Variants in LAMA1 observed in about 807,000 individuals in gnomAD.
LAMA1 encodes the protein laminin subunit alpha 1.
LAMA1 carries 219 observed loss-of-function variants against 348.7 expected under a neutral mutation model. That is an observed-to-expected ratio of 0.63 (90% CI 0.56 to 0.70). The LOEUF (loss-of-function observed/expected upper bound fraction) is 0.70, where lower values mean the gene tolerates loss of function less well. Among genes scored for constraint, LAMA1 ranks in the 30% least tolerant of loss-of-function variants. The pLI is 0.00. For missense variants in LAMA1, 3,744 were observed against 3,888.0 expected, an observed-to-expected ratio of 0.96 and a Z score of 0.99; for synonymous variants, 1,487 against 1,491.0, an observed-to-expected ratio of 1.00 and a Z score of 0.06.
chr18:7,068,860 G>A (rs1415262038), intron 3 of LAMA1, among the ~76,000 whole-genome samples: 2 of 151,396 alleles, frequency 1.3e-5, no homozygotes, highest in African/African-American at 4.8e-5. Flanking sequence ...TATCTCTTGA[G>A]AAATTAAAAC....
At chr18:6,946,834 C>T (rs1359184842) in intron 61 of LAMA1, among the ~76,000 whole-genome samples, 1 of 152,140 alleles carries the variant, frequency 6.6e-6, no homozygotes, top group East Asian at 1.9e-4. Flanking sequence ...TAATAATTTC[C>T]AAATAAAAAG....
In LAMA1 at chr18:7,016,549, C is replaced by G; in HGVS notation, c.2931G>C (p.Gly977=). The G allele has an allele frequency of 1.2e-6, 2 of 1,614,218 alleles. No homozygotes were observed. The highest frequency in any genetic ancestry group is 2.7e-5 in the African/African-American group (2 of 75,066). The change falls in exon 21 of 63, where the codon GGG becomes GGC. Residue 977 remains glycine (G), a synonymous_variant. Transcript: ENST00000389658. ...CATGGGCACACCTGTCACACCTTTT[C>G]CCTGCCACACCTGGGACACAGTGAC... The part of the protein sequence containing the change: ...GQCHCVPGVA[G]KRCDRCAHGF...
intron 10 of LAMA1, among the ~76,000 whole-genome samples, chr18:7,039,631 G>A (rs1598293218): frequency 6.6e-6 from 1 of 152,170 alleles, no homozygotes; most frequent in African/African-American, 2.4e-5. Flanking sequence ...TTTATTGGTT[G>A]AACATAGTCA....
At chr18:7,105,361 C>G (rs1263116157) in intron 1 of LAMA1, among the ~76,000 whole-genome samples, 1 of 152,174 alleles carries the variant, frequency 6.6e-6, no homozygotes, top group Admixed American at 6.5e-5. Flanking sequence ...ATTGCTTGAA[C>G]CCGGGAGGCG....
At chr18:7,069,020 TC>T (rs1389563312) in intron 3 of LAMA1, among the ~76,000 whole-genome samples, 29 of 152,314 alleles carry the variant, frequency 1.9e-4, no homozygotes, top group African/African-American at 7.0e-4. Context: ...TGCAAAACTG[TC>T]TTCACGGATT....
intron 4 of LAMA1, 28 bp downstream of exon 4, chr18:7,050,666 A>T: frequency 6.2e-7 from 1 of 1,612,894 alleles, no homozygotes. Flanking sequence ...GAGGAAACAG[A>T]TCTTGCTGCA....
At chr18:7,080,788 G>C (rs956645438) in intron 1 of LAMA1, among the ~76,000 whole-genome samples, 1 of 152,094 alleles carries the variant, frequency 6.6e-6, no homozygotes, top group African/African-American at 2.4e-5. Flanking sequence ...ATCATAGAAT[G>C]AGTACACCTA....
At chr18:7,004,189 T>C (rs1373028680) in intron 29 of LAMA1, among the ~76,000 whole-genome samples, 1 of 152,108 alleles carries the variant, frequency 6.6e-6, no homozygotes, top group African/African-American at 2.4e-5. Context: ...TTAGTTGCTA[T>C]GGGAAATTCA....
At position 7,031,987 on chromosome 18, in the gene LAMA1, T is replaced by TA. The variant is rs113133818; in HGVS notation, c.2274+78dup. 0.37 allele frequency: 404,550 copies of TA among 1,096,554 alleles called. 70,944 individuals carry two copies. The highest frequency in any genetic ancestry group is 0.63 in the African/African-American group (39,535 of 62,404). 67.9% of individuals were successfully genotyped at this position (1,096,554 alleles called of 1,614,324 possible). A position where few individuals can be genotyped will look rare whatever the true frequency, so the allele number is the denominator to read the frequency against. On this transcript the variant is annotated intron_variant, in intron 16 of 62. Coordinates refer to ENST00000389658, the MANE Select transcript of LAMA1 (RefSeq NM_005559.4). ...AGGGTTATTCCGTGGAGGAAGCACTTAAAAAAAAATCACTTGTACACAGCA... is the reference window on the plus strand; with the variant it reads ...AGGGTTATTCCGTGGAGGAAGCACTTAAAAAAAAAATCACTTGTACACAGCA...
Position 6,947,143 on chromosome 18 carries a change from CA to C in LAMA1, c.8844+19del. On this transcript the variant is annotated intron_variant, in intron 61 of 62. Transcript: ENST00000389658. ...CTGACACTGGGGGGAGGAAGACCCT[CA>C]TGGAGAGGAAGCACCCACCTTGCCG... The C allele has an allele frequency of 6.2e-7, 1 of 1,614,134 alleles. No homozygotes were observed. The highest frequency in any genetic ancestry group is 8.5e-7 in the Non-Finnish European group (1 of 1,180,022).
At chr18:7,007,913 T>TTATTTATTTATTTA (rs59784736) in intron 28 of LAMA1, among the ~76,000 whole-genome samples, 3,327 of 136,814 alleles carry the variant, frequency 0.024, 61 homozygotes, top group Middle Eastern at 0.036. Context: ...ATTACTCCAC[T>TTATTTATTTATTTA]TTTATTTATT....
chr18:6,941,801 A>C lies in LAMA1; in HGVS notation c.*278T>G, dbSNP rs1484061655. 1 of 423,054 alleles carries C rather than the reference A, an allele frequency of 2.4e-6. No homozygotes were observed. The highest frequency in any genetic ancestry group is 5.1e-5 in the East Asian group (1 of 19,728). 26.2% of individuals were successfully genotyped at this position (423,054 alleles called of 1,614,324 possible). On this transcript the variant is annotated 3_prime_UTR_variant, in exon 63 of 63. Coordinates refer to ENST00000389658, the MANE Select transcript of LAMA1 (RefSeq NM_005559.4). ...AAAAAGCTCAAAATGAAAAACATAA[A>C]ATACTATCAAGTAATCAACAGAACA...
rs187635415 is a variant in LAMA1, at chr18:7,112,914, C to T, written c.61+4746G>A. On this transcript the variant is annotated intron_variant, in intron 1 of 62. Transcript: ENST00000389658. The stretch of plus-strand genomic sequence containing the variant: ...CCTCCCAAAGTGCTGGGATTACAGG[C>T]GTGAGCCACTGCGCCCAGCTATTCA... Among the ~76,000 whole-genome samples, 627 of 152,244 alleles carry T rather than the reference C, an allele frequency of 4.1e-3. 4 individuals are homozygous for T. Among genetic ancestry groups the T allele is most frequent in the Non-Finnish European group, 7.1e-3 (484 of 68,018 alleles).
chr18:6,988,461 T>A (rs932627188), intron 36 of LAMA1, among the ~76,000 whole-genome samples: 1 of 152,160 alleles, frequency 6.6e-6, no homozygotes, highest in Non-Finnish European at 1.5e-5. Flanking sequence ...GTACAGAACT[T>A]GGCTCTCCTT....
At chr18:6,962,247 C>A (rs1422936361) in intron 51 of LAMA1, among the ~76,000 whole-genome samples, 188 bp from the exon 52 acceptor site, 3 of 152,080 alleles carry the variant, frequency 2.0e-5, no homozygotes, top group Non-Finnish European at 4.4e-5. Context: ...CATAGTGAGA[C>A]CCTGTCTCTA....
At chr18:6,956,417 G>A (rs1466141182) in intron 56 of LAMA1, 2 of 726,368 alleles carry the variant, frequency 2.8e-6, no homozygotes, top group East Asian at 2.7e-5. Context: ...CGGCCTGGGT[G>A]TTGGGGCCTA....
intron 40 of LAMA1, 39 bp from the exon 41 acceptor site, chr18:6,982,629 C>T: frequency 6.5e-7 from 1 of 1,539,384 alleles, no homozygotes. Flanking sequence ...GAGAGCAGGG[C>T]AGGGTGGAGT....
intron 53 of LAMA1, chr18:6,959,959 GAA>G (rs771894979): frequency 8.0e-6 from 2 of 250,962 alleles, no homozygotes; most frequent in Non-Finnish European, 1.6e-5. Context: ...TCGACACATT[GAA>G]AAGAGGTAGT....
Position 7,011,495 on chromosome 18 carries a change from A to C in LAMA1, c.3508-16T>G, listed in dbSNP as rs2057860537. 1 of 1,591,698 alleles carries C rather than the reference A, an allele frequency of 6.3e-7. No individual in the cohort carries two copies. Among genetic ancestry groups the C allele is most frequent in the South Asian group, 1.1e-5 (1 of 87,306 alleles). On this transcript the variant is annotated splice_polypyrimidine_tract_variant and intron_variant, in intron 24 of 62. Coordinates refer to ENST00000389658, the MANE Select transcript of LAMA1 (RefSeq NM_005559.4). Reference sequence around the variant, plus strand: ...CCAGCGTTACCTAAACCACGAAAGGAGGGGAAAGTGCACTTCAAAATGCGA... The same window carrying C: ...CCAGCGTTACCTAAACCACGAAAGGCGGGGAAAGTGCACTTCAAAATGCGA...
Sources: allele counts gnomAD v4.1 joint callset (sites outside exome capture counted in the v4.1 genomes callset), GRCh38; gene constraint gnomAD v4.1.1; transcripts MANE v1.5; gene names NCBI Gene and HGNC (gene_info 2026-07-23, HGNC 2026-07-21).